The following CNTLN variants were observed in gnomAD, a reference collection of about 807,000 sequenced individuals.
CNTLN encodes the protein centlein, centrosomal protein.
CNTLN carries 212 observed loss-of-function variants against 180.0 expected under a neutral mutation model. The observed-to-expected ratio is 1.18, with a 90% confidence interval of 1.05 to 1.32. The LOEUF is 1.32. Ranked by LOEUF, CNTLN falls within the 40% of genes most tolerant of loss-of-function variation. The pLI is 0.00. For synonymous variants in CNTLN, 722 were observed against 563.1 expected, an observed-to-expected ratio of 1.28 and a Z score of -3.99; for missense variants, 2,095 against 1,610.9, an observed-to-expected ratio of 1.30 and a Z score of -5.14.
At chr9:17,150,827 G>T (rs1818815232) in intron 2 of CNTLN, among the ~76,000 whole-genome samples, 1 of 152,110 alleles carries the variant, frequency 6.6e-6, no homozygotes, top group Admixed American at 6.5e-5. Flanking sequence ...TTACTTCCTT[G>T]AGCAGTGGTT....
At chr9:17,214,682 T>G (rs1267188225) in intron 2 of CNTLN, among the ~76,000 whole-genome samples, 1 of 152,250 alleles carries the variant, frequency 6.6e-6, no homozygotes, top group East Asian at 1.9e-4. Flanking sequence ...CCCATCATTT[T>G]CAGGTACACC....
intron 8 of CNTLN, among the ~76,000 whole-genome samples, chr9:17,327,741 G>A (rs531969325): frequency 6.6e-6 from 1 of 152,158 alleles, no homozygotes; most frequent in South Asian, 2.1e-4. Flanking sequence ...ATCACCTGAG[G>A]TCAGGAGTTC....
chr9:17,441,542 C>T (rs575158092), intron 18 of CNTLN, among the ~76,000 whole-genome samples: 8 of 149,650 alleles, frequency 5.3e-5, no homozygotes, highest in Admixed American at 4.6e-4. Flanking sequence ...GAAGAAAATA[C>T]CTATAGAAGA....
chr9:17,466,239 G>A (rs11792227), intron 22 of CNTLN, 121 bp downstream of exon 22: 24,681 of 758,548 alleles, frequency 0.033, 628 homozygotes, highest in South Asian at 0.095. Flanking sequence ...TCAGATAAGT[G>A]CAAAGAGGAT....
chr9:17,312,367 T>TATATATATATATATAATATATATATATA (rs1563984910), intron 8 of CNTLN, among the ~76,000 whole-genome samples: 5 of 10,968 alleles, frequency 4.6e-4, no homozygotes, highest in Admixed American at 3.7e-3. Flanking sequence ...ATATATATTA[T>TATATATATATATATAATATATATATATA]ATATATATAT....
At position 17,226,062 on chromosome 9, in the gene CNTLN, A is replaced by G. The variant is rs1019715921; in HGVS notation, c.450-141A>G. On this transcript the variant is annotated intron_variant, in intron 2 of 25. Transcript: ENST00000380647. Reference sequence around the variant, plus strand: ...AGTTGTCTTAGTTTTCAGCAGTTGTAAGTTGCTGTCACTTGCCATGTGGTC... The same window carrying G: ...AGTTGTCTTAGTTTTCAGCAGTTGTGAGTTGCTGTCACTTGCCATGTGGTC... 7.3e-5 allele frequency: 32 copies of G among 440,798 alleles called. No individual in the cohort carries two copies. The Middle Eastern group carries it at 2.4e-3, about 34-fold the overall frequency. 27.3% of individuals were successfully genotyped at this position (440,798 alleles called of 1,614,324 possible). A position where few individuals can be genotyped will look rare whatever the true frequency, so the allele number is the denominator to read the frequency against.
Position 17,457,496 on chromosome 9 carries a change from A to G in CNTLN, c.3115-28A>G. 4 of 1,182,722 alleles carry G rather than the reference A, an allele frequency of 3.4e-6. No homozygotes were observed. The African/African-American group carries it at 7.0e-5, about 21-fold the overall frequency. 73.3% of individuals were successfully genotyped at this position (1,182,722 alleles called of 1,614,324 possible). A position where few individuals can be genotyped will look rare whatever the true frequency, so the allele number is the denominator to read the frequency against. The stretch of plus-strand genomic sequence containing the variant: ...ATATAGTTACTTTTAAAATATATTT[A>G]TATTTATTTTCTTTTTTTAAAAAAA... On this transcript the variant is annotated intron_variant, in intron 18 of 25. Transcript: ENST00000380647.
intron 23 of CNTLN, among the ~76,000 whole-genome samples, chr9:17,478,593 CA>C (rs1564140033): frequency 6.6e-6 from 1 of 151,894 alleles, no homozygotes; most frequent in Non-Finnish European, 1.5e-5. Flanking sequence ...CTCCTGGACT[CA>C]AGCGTCTTCT....
chr9:17,505,686 T>C (rs138554963), downstream of CNTLN, among the ~76,000 whole-genome samples: 56 of 152,246 alleles, frequency 3.7e-4, no homozygotes, highest in East Asian at 9.8e-3. Flanking sequence ...GATACTTATG[T>C]TAAAGATGCC....
chr9:17,386,666 A>G (rs1040267714), intron 13 of CNTLN, among the ~76,000 whole-genome samples: 2 of 152,214 alleles, frequency 1.3e-5, no homozygotes, highest in Non-Finnish European at 2.9e-5. Flanking sequence ...ACAGGTGAAC[A>G]TGGTTAGCCA....
chr9:17,158,928 A>G lies in CNTLN; in HGVS notation c.449+15552A>G, dbSNP rs529146794. Reference sequence around the variant, plus strand: ...CTTGCTTTAGGTTTAGTTTGCTTTTATTTTTATTGACTTGAGACTTTTCCA... The same window carrying G: ...CTTGCTTTAGGTTTAGTTTGCTTTTGTTTTTATTGACTTGAGACTTTTCCA... On this transcript the variant is annotated intron_variant, in intron 2 of 25. Transcript: ENST00000380647. Among the ~76,000 whole-genome samples, 3 of 151,438 alleles carry G rather than the reference A, an allele frequency of 2.0e-5. No individual in the cohort carries two copies. The South Asian group carries it at 6.3e-4, about 32-fold the overall frequency.
chr9:17,514,811 G>A, the CNTLN span, among the ~76,000 whole-genome samples: 3 of 152,164 alleles, frequency 2.0e-5, no homozygotes, highest in African/African-American at 7.2e-5. Flanking sequence ...TATTGTGACT[G>A]TAACTCTAGT....
chr9:17,192,939 G>C (rs1821884400), intron 2 of CNTLN, among the ~76,000 whole-genome samples: 1 of 152,052 alleles, frequency 6.6e-6, no homozygotes, highest in South Asian at 2.1e-4. Context: ...GGCTGGGGAG[G>C]CCTCAGAATC....
Position 17,298,203 on chromosome 9 carries a change from G to A in CNTLN, c.997G>A (p.Glu333Lys). The A allele has an allele frequency of 2.6e-6, 4 of 1,523,832 alleles. No homozygotes were observed. Among genetic ancestry groups the A allele is most frequent in the Non-Finnish European group, 3.5e-6 (4 of 1,136,694 alleles). 94.4% of individuals were successfully genotyped at this position (1,523,832 alleles called of 1,614,324 possible). A position where few individuals can be genotyped will look rare whatever the true frequency, so the allele number is the denominator to read the frequency against. The change falls in exon 7 of 26, where the codon GAG (glutamate) becomes AAG (lysine). Residue 333 changes from glutamate (E) to lysine (K), a missense_variant. Coordinates refer to ENST00000380647, the MANE Select transcript of CNTLN (RefSeq NM_017738.4). The part of the protein sequence containing the change: ...DITLVRKELQ[E>K]LQNLYKQNST... ...TGCTTTGCACAGGAAGGAACTGCAG[G>A]AGCTGCAGAATCTTTACAAACAGAA...
At chr9:17,258,631 G>A (rs1004335786) in intron 5 of CNTLN, among the ~76,000 whole-genome samples, 1 of 149,750 alleles carries the variant, frequency 6.7e-6, no homozygotes, top group African/African-American at 2.5e-5. Flanking sequence ...TCTTCCATTT[G>A]TATCCTCTTT....
At chr9:17,269,824 C>T (rs149131593) in intron 5 of CNTLN, among the ~76,000 whole-genome samples, 1 of 152,042 alleles carries the variant, frequency 6.6e-6, no homozygotes, top group African/African-American at 2.4e-5. Context: ...GGTTCTAGAC[C>T]ACCACAATAA....
intron 5 of CNTLN, among the ~76,000 whole-genome samples, chr9:17,240,073 T>C (rs1235695495): frequency 3.3e-5 from 5 of 152,136 alleles, no homozygotes; most frequent in Non-Finnish European, 1.5e-5. Context: ...CTCAATAATA[T>C]TAAGAATCTT....
In CNTLN at chr9:17,260,421, G is replaced by A. The variant is rs1826868339; in HGVS notation, c.850-13312G>A. Among the ~76,000 whole-genome samples the A allele has an allele frequency of 2.0e-5, 3 of 151,314 alleles. 1 individual carries two copies. The South Asian group carries it at 6.2e-4, about 31-fold the overall frequency. On this transcript the variant is annotated intron_variant, in intron 5 of 25. Coordinates refer to ENST00000380647, the MANE Select transcript of CNTLN (RefSeq NM_017738.4). ...ATATGTGGCCAATTTTGGAATAGGTGTGGTGTGGTGCTGAAAAAAATGTAT... is the reference window on the plus strand; with the variant it reads ...ATATGTGGCCAATTTTGGAATAGGTATGGTGTGGTGCTGAAAAAAATGTAT...
At chr9:17,186,670 T>C (rs1821452109) in intron 2 of CNTLN, among the ~76,000 whole-genome samples, 1 of 152,122 alleles carries the variant, frequency 6.6e-6, no homozygotes, top group South Asian at 2.1e-4. Context: ...CATGTGTATA[T>C]ATTTAGGTTC....
Sources: allele counts gnomAD v4.1 joint callset (sites outside exome capture counted in the v4.1 genomes callset), GRCh38; gene constraint gnomAD v4.1.1; transcripts MANE v1.5; gene names NCBI Gene and HGNC (gene_info 2026-07-23, HGNC 2026-07-21).